The following NEK11 variants were observed in gnomAD, a reference collection of about 807,000 sequenced individuals.
NEK11 encodes serine/threonine-protein kinase Nek11.
NEK11 carries 72 observed loss-of-function variants against 80.7 expected under a neutral mutation model. That is an observed-to-expected ratio of 0.89 (90% CI 0.74 to 1.08). The LOEUF (loss-of-function observed/expected upper bound fraction) is 1.08. Among genes scored for constraint, NEK11 ranks in the 50% least tolerant of loss-of-function variants. NEK11 has a pLI of 0.00. For missense variants in NEK11, 764 were observed against 763.6 expected (o/e 1.00, Z -0.01); for synonymous variants, 251 against 260.7 (o/e 0.96, Z 0.36).
At chr3:131,083,030 C>A (rs1560313424) in intron 4 of NEK11, among the ~76,000 whole-genome samples, 1 of 152,212 alleles carries the variant, frequency 6.6e-6, no homozygotes, top group African/African-American at 2.4e-5. Flanking sequence ...AGACCAGTAT[C>A]ATCAGCATCA....
chr3:131,171,019 G>A (rs1364402115), intron 14 of NEK11, 132 bp downstream of exon 14: 2 of 745,506 alleles, frequency 2.7e-6, no homozygotes, highest in South Asian at 2.9e-5. Context: ...AGTTTACCAG[G>A]GCTGGGCTAT....
intron 17 of NEK11, among the ~76,000 whole-genome samples, chr3:131,348,106 G>A (rs1397421874): frequency 6.6e-6 from 1 of 152,008 alleles, no homozygotes; most frequent in East Asian, 1.9e-4. Context: ...GTTCTTCAGA[G>A]AAAAGTGCAG....
intron 3 of NEK11, among the ~76,000 whole-genome samples, chr3:131,065,182 TCA>T (rs1220767394): frequency 6.6e-6 from 1 of 152,184 alleles, no homozygotes; most frequent in East Asian, 1.9e-4. Context: ...CATTTATATC[TCA>T]GTCTTTCCAC....
intron 14 of NEK11, among the ~76,000 whole-genome samples, chr3:131,190,830 A>G (rs2093765360): frequency 6.6e-6 from 1 of 152,208 alleles, no homozygotes; most frequent in African/African-American, 2.4e-5. Context: ...AGAACAAAAT[A>G]TAATTATTGT....
chr3:131,048,091 C>T (rs2067708681), intron 3 of NEK11, among the ~76,000 whole-genome samples: 2 of 152,096 alleles, frequency 1.3e-5, no homozygotes, highest in Admixed American at 1.3e-4. Flanking sequence ...CATGCAGCTC[C>T]CACGTATCCC....
At chr3:131,184,626 A>C (rs996929548) in intron 14 of NEK11, 6 of 370,572 alleles carry the variant, frequency 1.6e-5, no homozygotes, top group Non-Finnish European at 2.4e-5. Flanking sequence ...GAAGCAGTAG[A>C]ATAACAAGTT....
chr3:131,304,537 C>A (rs2096701359), intron 17 of NEK11, among the ~76,000 whole-genome samples: 1 of 152,158 alleles, frequency 6.6e-6, no homozygotes, highest in African/African-American at 2.4e-5. Flanking sequence ...GATGTTCCTT[C>A]AATCTTTGAA....
intron 15 of NEK11, among the ~76,000 whole-genome samples, chr3:131,241,833 C>T (rs2095523990): frequency 6.6e-6 from 1 of 151,888 alleles, no homozygotes; most frequent in African/African-American, 2.4e-5. Flanking sequence ...ATAGAAAAGA[C>T]TGACTATATA....
chr3:131,264,578 G>A (rs898172873), intron 16 of NEK11, among the ~76,000 whole-genome samples: 7 of 152,188 alleles, frequency 4.6e-5, no homozygotes, highest in African/African-American at 7.2e-5. Flanking sequence ...CTATACCTCT[G>A]TTTTGGGACC....
chr3:131,108,037 C>T (rs964371802), intron 4 of NEK11, among the ~76,000 whole-genome samples: 5 of 152,046 alleles, frequency 3.3e-5, no homozygotes, highest in Non-Finnish European at 5.9e-5. Flanking sequence ...ATTCAATTCG[C>T]CATATTTTTG....
At chr3:131,089,529 C>T (rs980749707) in intron 4 of NEK11, among the ~76,000 whole-genome samples, 1 of 152,182 alleles carries the variant, frequency 6.6e-6, no homozygotes, top group African/African-American at 2.4e-5. Context: ...ACCTCTGCCT[C>T]CTAGGTTCAA....
At position 131,097,305 on chromosome 3, in the gene NEK11, A is replaced by G. The variant is rs570320173; in HGVS notation, c.337-12498A>G. Among the ~76,000 whole-genome samples, 24 of 151,894 alleles carry G rather than the reference A, an allele frequency of 1.6e-4. No individual in the cohort carries two copies. In the East Asian group the frequency reaches 1.7e-3, roughly 11 times the overall value. On this transcript the variant is annotated intron_variant, in intron 4 of 17. Coordinates refer to ENST00000383366, the MANE Select transcript of NEK11 (RefSeq NM_024800.5). ...TCTAGTTCTAGATCCCTGAGGAATC[A>G]CCACACTGACTTCCACAATGGTTGA...
intron 14 of NEK11, among the ~76,000 whole-genome samples, chr3:131,204,538 C>T (rs1055502570): frequency 2.0e-5 from 3 of 151,996 alleles, no homozygotes; most frequent in African/African-American, 7.3e-5. Context: ...AATTAGGGAA[C>T]ACCCAGCTGG....
At chr3:131,306,106 G>A (rs77680583) in intron 17 of NEK11, among the ~76,000 whole-genome samples, 1 of 151,986 alleles carries the variant, frequency 6.6e-6, no homozygotes. Flanking sequence ...TAAGATTTCT[G>A]CTTATGTTGC....
chr3:131,306,901 A>T (rs954801405), intron 17 of NEK11, among the ~76,000 whole-genome samples: 1 of 151,918 alleles, frequency 6.6e-6, no homozygotes, highest in Non-Finnish European at 1.5e-5. Flanking sequence ...ATGTTTTCCT[A>T]CCCCAGCACT....
At position 131,219,342 on chromosome 3, in the gene NEK11, A is replaced by T. The variant is rs1345808881; in HGVS notation, c.1400-9186A>T. ...CTCACTCATAAGTGGGAGTTGAACA[A>T]TGAGAACACATGGACACAGGGAGGG... On this transcript the variant is annotated intron_variant, in intron 14 of 17. Transcript: ENST00000383366. Among the ~76,000 whole-genome samples the T allele has an allele frequency of 3.3e-5, 5 of 151,388 alleles. No individual in the cohort carries two copies. The East Asian group carries it at 9.8e-4, about 30-fold the overall frequency.
At chr3:131,308,483 G>A (rs1018647761) in intron 17 of NEK11, among the ~76,000 whole-genome samples, 2 of 152,208 alleles carry the variant, frequency 1.3e-5, no homozygotes, top group African/African-American at 2.4e-5. Context: ...AATGGGGGCA[G>A]AGGACAAGAG....
chr3:131,239,929 A>G (rs2095495544), intron 15 of NEK11, among the ~76,000 whole-genome samples: 1 of 152,174 alleles, frequency 6.6e-6, no homozygotes, highest in Admixed American at 6.6e-5. Flanking sequence ...TCCCTTAGTT[A>G]TCCATTCAGC....
intron 5 of NEK11, among the ~76,000 whole-genome samples, chr3:131,119,362 C>T (rs941066792): frequency 4.6e-5 from 7 of 152,216 alleles, no homozygotes; most frequent in Middle Eastern, 3.4e-3. Flanking sequence ...TGTTCTTTTA[C>T]GTTTGCTGAG....
Sources: allele counts gnomAD v4.1 joint callset (sites outside exome capture counted in the v4.1 genomes callset), GRCh38; gene constraint gnomAD v4.1.1; transcripts MANE v1.5; gene names NCBI Gene and HGNC (gene_info 2026-07-23, HGNC 2026-07-21).